The following IP6K1 variants were observed in gnomAD, a reference collection of about 807,000 sequenced individuals.
The protein encoded by IP6K1 is inositol hexakisphosphate kinase 1, also known as ATP:1D-myo-inositol-hexakisphosphate phosphotransferase.
In IP6K1, 13 loss-of-function variants were observed where a neutral mutation model predicts 38.3. The observed-to-expected ratio is 0.34, with a 90% confidence interval of 0.22 to 0.54. The LOEUF is 0.54. Among genes scored for constraint, IP6K1 ranks in the 20% least tolerant of loss-of-function variants. IP6K1 has a pLI of 0.92. For missense variants in IP6K1, 397 were observed against 599.8 expected (o/e 0.66, Z 3.53); for synonymous variants, 212 against 229.9 (o/e 0.92, Z 0.70).
intron 1 of IP6K1, among the ~76,000 whole-genome samples, chr3:49,749,129 T>C (rs570536920): frequency 1.3e-5 from 2 of 152,330 alleles, no homozygotes; most frequent in East Asian, 1.9e-4. Flanking sequence ...GAAGCTTTGC[T>C]TGCTTGCTCG....
intron 2 of IP6K1, among the ~76,000 whole-genome samples, chr3:49,745,620 C>T (rs2080713682): frequency 6.6e-6 from 1 of 152,042 alleles, no homozygotes; most frequent in Non-Finnish European, 1.5e-5. Flanking sequence ...TTTGGGAGGC[C>T]AAGGCAGGCA....
At chr3:49,776,255 G>A (rs907107107) in intron 1 of IP6K1, among the ~76,000 whole-genome samples, 4 of 152,006 alleles carry the variant, frequency 2.6e-5, no homozygotes, top group African/African-American at 4.8e-5. Context: ...AGTGGCACAC[G>A]CGTGTAATCC....
chr3:49,756,817 C>CAAAAAAAAAAA (rs59808252), intron 1 of IP6K1, among the ~76,000 whole-genome samples: 1 of 133,284 alleles, frequency 7.5e-6, no homozygotes, highest in African/African-American at 2.9e-5. Flanking sequence ...AACTCCATCT[C>CAAAAAAAAAAA]AAAAAAAAAA....
chr3:49,741,101 C>T (rs1472391310), intron 2 of IP6K1, among the ~76,000 whole-genome samples: 1 of 152,146 alleles, frequency 6.6e-6, no homozygotes, highest in Non-Finnish European at 1.5e-5. Flanking sequence ...CTGCCCGCCT[C>T]CCAAAGTACT....
intron 1 of IP6K1, among the ~76,000 whole-genome samples, chr3:49,783,488 G>A (rs184740014): frequency 3.9e-5 from 6 of 152,010 alleles, no homozygotes; most frequent in Admixed American, 1.3e-4. Flanking sequence ...CGAGGTAGAC[G>A]GATCATGAGG....
chr3:49,752,865 T>C (rs1183340488), intron 1 of IP6K1, among the ~76,000 whole-genome samples: 4 of 151,536 alleles, frequency 2.6e-5, no homozygotes, highest in Non-Finnish European at 5.9e-5. Context: ...GCAATTCCCA[T>C]GCCTCAGCCT....
At chr3:49,757,283 C>A (rs1188760273) in intron 1 of IP6K1, among the ~76,000 whole-genome samples, 1 of 152,212 alleles carries the variant, frequency 6.6e-6, no homozygotes, top group Non-Finnish European at 1.5e-5. Context: ...CACTATCCTA[C>A]TGTAGCTTAA....
rs71080545 is a variant in IP6K1 at position 49,731,887 on chromosome 3, C to CAAAAAAAAAAAAAA, written c.616+890_616+903dup. On this transcript the variant is annotated intron_variant, in intron 4 of 5. Coordinates refer to ENST00000321599, the MANE Select transcript of IP6K1 (RefSeq NM_153273.4). ...TGGGTAACAGAGTGAGACTCTGTCTCAAAAAAAAAAAAAAAAAAGGAATTC... is the reference window on the plus strand; with the variant it reads ...TGGGTAACAGAGTGAGACTCTGTCTCAAAAAAAAAAAAAAAAAAAAAAAAAAAAAAAAGGAATTC... Among the ~76,000 whole-genome samples, 72 of 65,316 alleles carry CAAAAAAAAAAAAAA rather than the reference C, an allele frequency of 1.1e-3. 7 individuals are homozygous for CAAAAAAAAAAAAAA. Among genetic ancestry groups the CAAAAAAAAAAAAAA allele is most frequent in the Admixed American group, 1.8e-3 (8 of 4,492 alleles). 42.8% of individuals were successfully genotyped at this position (65,316 alleles called of 152,430 possible).
At chr3:49,777,489 G>A (rs1011876348) in intron 1 of IP6K1, among the ~76,000 whole-genome samples, 2 of 151,730 alleles carry the variant, frequency 1.3e-5, no homozygotes, top group African/African-American at 2.4e-5. Context: ...CTTGAACCTG[G>A]GAGGTGGAGG....
chr3:49,761,470 C>G lies in IP6K1; in HGVS notation c.-128-13302G>C, dbSNP rs549500724. On this transcript the variant is annotated intron_variant, in intron 1 of 5. Transcript: ENST00000321599. ...TCTACTAAAAATACAAAAAATTAGCCGGGCGCAATGGCAGGCACCTGTAGT... is the reference window on the plus strand; with the variant it reads ...TCTACTAAAAATACAAAAAATTAGCGGGGCGCAATGGCAGGCACCTGTAGT... Among the ~76,000 whole-genome samples the G allele has an allele frequency of 4.0e-5, 6 of 151,176 alleles. No homozygotes were observed. The East Asian group carries it at 1.2e-3, about 30-fold the overall frequency.
chr3:49,733,506 A>C (rs988980362), intron 3 of IP6K1, among the ~76,000 whole-genome samples: 3 of 152,250 alleles, frequency 2.0e-5, no homozygotes, highest in African/African-American at 7.2e-5. Context: ...GGAAGAAACA[A>C]GCATCCATCA....
intron 1 of IP6K1, among the ~76,000 whole-genome samples, chr3:49,782,203 C>A (rs2081071580): frequency 6.6e-6 from 1 of 151,468 alleles, no homozygotes; most frequent in African/African-American, 2.4e-5. Context: ...CGGAGTCTAG[C>A]TCTGTCGCCC....
At chr3:49,778,081 T>C (rs537122292) in intron 1 of IP6K1, among the ~76,000 whole-genome samples, 121 of 151,752 alleles carry the variant, frequency 8.0e-4, no homozygotes, top group Non-Finnish European at 1.4e-3. Flanking sequence ...ATCCCAGCAC[T>C]TTGGGAGGCC....
In IP6K1 at chr3:49,775,396, C is replaced by A. The variant is rs1355969902; in HGVS notation, c.-129+10958G>T. 5.2e-6 allele frequency: 2 copies of A among 382,398 alleles called. 1 individual carries two copies. Among genetic ancestry groups the A allele is most frequent in the Non-Finnish European group, 1.0e-5 (2 of 198,744 alleles). The allele number at this position is 382,398 out of a possible 1,614,324, so 23.7% of individuals were successfully genotyped here. ...GTGTGTGATTTGTGACTTTGTGCGTCCCTGCACTCTGGTGTGCTATGTGAT... is the reference window on the plus strand; with the variant it reads ...GTGTGTGATTTGTGACTTTGTGCGTACCTGCACTCTGGTGTGCTATGTGAT... On this transcript the variant is annotated intron_variant, in intron 1 of 5. Coordinates refer to ENST00000321599, the MANE Select transcript of IP6K1 (RefSeq NM_153273.4).
At position 49,726,321 on chromosome 3, in the gene IP6K1, C is replaced by T. The variant is rs1204234802; in HGVS notation, c.*801G>A. 1 of 152,812 alleles carries T rather than the reference C, an allele frequency of 6.5e-6. No homozygotes were observed. Among genetic ancestry groups the T allele is most frequent in the African/African-American group, 2.4e-5 (1 of 41,472 alleles). 9.5% of individuals were successfully genotyped at this position (152,812 alleles called of 1,614,324 possible). ...AAGACTCCCACCCATAGCACAAGAA[C>T]TGCAAATACTGTCTGGGCCAGAGCC... On this transcript the variant is annotated 3_prime_UTR_variant, in exon 6 of 6. Coordinates refer to ENST00000321599, the MANE Select transcript of IP6K1 (RefSeq NM_153273.4).
rs144308874 is a variant in IP6K1, at chr3:49,766,958, CAAAAAAAAAAAAAA to C, written c.-128-18804_-128-18791del. ...GGGTGACAAGAGCAAGACTCCGTCT[CAAAAAAAAAAAAAA>C]AAAAAAAAAAAAAAAGAAAGAAATC... On this transcript the variant is annotated intron_variant, in intron 1 of 5. Coordinates refer to ENST00000321599, the MANE Select transcript of IP6K1 (RefSeq NM_153273.4). 1.3e-4 allele frequency among the ~76,000 whole-genome samples: 7 copies of C among 55,418 alleles called. No individual in the cohort carries two copies. The South Asian group carries it at 4.1e-3, about 33-fold the overall frequency. 36.4% of individuals were successfully genotyped at this position (55,418 alleles called of 152,430 possible). A position where few individuals can be genotyped will look rare whatever the true frequency, so the allele number is the denominator to read the frequency against.
At position 49,726,736 on chromosome 3, in the gene IP6K1, GC is replaced by G. The variant is rs1459134880; in HGVS notation, c.*385del. On this transcript the variant is annotated 3_prime_UTR_variant, in exon 6 of 6. Transcript: ENST00000321599. ...ACAAGGGAAGAGTGGGCGTGGAGGG[GC>G]CCTGCACCAGCCCAGGGCTTTACCT... The G allele has an allele frequency of 3.1e-5, 9 of 294,358 alleles. No individual in the cohort carries two copies. Among genetic ancestry groups the G allele is most frequent in the Middle Eastern group, 9.1e-4 (1 of 1,102 alleles). The allele number at this position is 294,358 out of a possible 1,614,324, so 18.2% of individuals were successfully genotyped here. A position where few individuals can be genotyped will look rare whatever the true frequency, so the allele number is the denominator to read the frequency against.
intron 1 of IP6K1, among the ~76,000 whole-genome samples, chr3:49,753,650 G>A (rs980705197): frequency 6.6e-6 from 1 of 151,992 alleles, no homozygotes; most frequent in Non-Finnish European, 1.5e-5. Flanking sequence ...TATATAGTAG[G>A]GTAAATATAT....
In IP6K1 at chr3:49,729,168, T is replaced by C. The variant is rs1575302150; in HGVS notation, c.617-890A>G. ...CTTTCTGTCTCTATACATTTACCTT[T>C]CCTGGGTATCTCATAAGTGGAATTA... On this transcript the variant is annotated intron_variant, in intron 4 of 5. Coordinates refer to ENST00000321599, the MANE Select transcript of IP6K1 (RefSeq NM_153273.4). Among the ~76,000 whole-genome samples, 5 of 152,244 alleles carry C rather than the reference T, an allele frequency of 3.3e-5. No individual in the cohort carries two copies. The South Asian group carries it at 1.0e-3, about 32-fold the overall frequency.
Sources: gnomAD v4.1 joint callset for allele counts (sites outside exome capture counted in the v4.1 genomes callset) on GRCh38, gnomAD v4.1.1 for gene constraint, MANE v1.5 for transcripts, NCBI Gene and HGNC (gene_info 2026-07-23, HGNC 2026-07-21) for gene names.